DPAGT1: variants seen among roughly 807,000 people sequenced by gnomAD.
DPAGT1 encodes dolichyl-phosphate N-acetylglucosaminephosphotransferase 1.
Under a neutral mutation model 39.3 loss-of-function variants are expected in DPAGT1, and 25 were observed. That is an observed-to-expected ratio of 0.64 (90% confidence interval 0.46 to 0.89). The LOEUF (loss-of-function observed/expected upper bound fraction) is 0.89. Ranked by LOEUF, DPAGT1 falls within the 40% of genes least tolerant of loss-of-function variation. The probability of loss-of-function intolerance (pLI) is 0.00; values close to 1 mark genes in which losing one functional copy is unlikely to be tolerated. For missense variants in DPAGT1, 381 were observed against 500.6 expected (o/e 0.76, Z 2.28); for synonymous variants, 193 against 201.4 (o/e 0.96, Z 0.36).
chr11:119,095,341 G>A, downstream of DPAGT1: 2 of 1,600,760 alleles, frequency 1.2e-6, no homozygotes, highest in South Asian at 2.2e-5. Context: ...CGCGCGACGA[G>A]CGCGACTTGG....
chr11:119,101,388 T>TAGTTCTG, intron 1 of DPAGT1, 107 bp downstream of exon 1: 1 of 1,596,072 alleles, frequency 6.3e-7, no homozygotes, highest in Admixed American at 1.7e-5. Flanking sequence ...CTGCCTGGGT[T>TAGTTCTG]AGTTCTGAGT....
downstream of DPAGT1, chr11:119,095,541 T>G (rs2509850): frequency 4.5e-3 from 3,960 of 879,138 alleles, 133 homozygotes; most frequent in African/African-American, 0.063. Context: ...GGCTCTTTTC[T>G]CCAATACCCG....
chr11:119,101,349 T>G, intron 1 of DPAGT1, 146 bp downstream of exon 1: 1 of 1,512,046 alleles, frequency 6.6e-7, no homozygotes, highest in Non-Finnish European at 9.1e-7. Flanking sequence ...TGCGAGTAAG[T>G]TCTGCTCATC....
downstream of DPAGT1, chr11:119,094,824 G>A: frequency 2.2e-6 from 2 of 898,818 alleles, no homozygotes; most frequent in Non-Finnish European, 3.2e-6. Flanking sequence ...GCGAGGGGAG[G>A]GGAGGGGAAG....
At chr11:119,094,759 G>T (rs1366258239), downstream of DPAGT1, 4 of 543,800 alleles carry the variant, frequency 7.4e-6, no homozygotes, top group Non-Finnish European at 1.2e-5. Flanking sequence ...CGCGGCAGGC[G>T]GTGCGGGACG....
chr11:119,099,436 A>AAG (rs1946455093), intron 4 of DPAGT1, among the ~76,000 whole-genome samples: 2 of 150,590 alleles, frequency 1.3e-5, no homozygotes, highest in Middle Eastern at 3.2e-3. Flanking sequence ...AAAAAAAAAA[A>AAG]AAAAGAAAAG....
chr11:119,098,064 C>T lies in DPAGT1; in HGVS notation c.729-21G>A, dbSNP rs115033721. 2,400 of 1,611,300 alleles carry T rather than the reference C, an allele frequency of 1.5e-3. 28 individuals carry two copies. The African/African-American group carries it at 0.028, about 19-fold the overall frequency. ...GGTACCTGTGTGGGGGAAGAGGATCCGAGCCAGTGGCAAGAGGCATTACCA... is the reference window on the plus strand; with the variant it reads ...GGTACCTGTGTGGGGGAAGAGGATCTGAGCCAGTGGCAAGAGGCATTACCA... On this transcript the variant is annotated intron_variant, in intron 5 of 8. Coordinates refer to ENST00000354202, the MANE Select transcript of DPAGT1 (RefSeq NM_001382.4).
Position 119,101,775 on chromosome 11 carries a change from A to C in DPAGT1, c.-120T>G. The stretch of plus-strand genomic sequence containing the variant: ...CCCACAGGCAGGCTCTTCCCACACC[A>C]ATCTGAGCAAAACCCAGCAACTCTG... On this transcript the variant is annotated 5_prime_UTR_variant, in exon 1 of 9. The change creates a new upstream start codon in the 5' untranslated region. Transcript: ENST00000354202. The C allele has an allele frequency of 2.6e-6, 4 of 1,562,998 alleles. No individual in the cohort carries two copies. The highest frequency in any genetic ancestry group is 2.6e-6 in the Non-Finnish European group (3 of 1,156,394).
chr11:119,101,141 G>A lies in DPAGT1; in HGVS notation c.162-3C>T, dbSNP rs1400374292. 6.2e-7 allele frequency: 1 copy of A among 1,613,916 alleles called. No homozygotes were observed. The highest frequency in any genetic ancestry group is 1.3e-5 in the African/African-American group (1 of 74,910). ...TGATCACTCCCTGGGATTCTGGGCT[G>A]TGGCCCAGCAGCAAGGGGGCGAGGG... On this transcript the variant is annotated splice_region_variant and splice_polypyrimidine_tract_variant and intron_variant, in intron 1 of 8. Transcript: ENST00000354202.
intron 5 of DPAGT1, 105 bp downstream of exon 5, chr11:119,098,297 TA>T: frequency 7.6e-7 from 1 of 1,307,850 alleles, no homozygotes; most frequent in Non-Finnish European, 1.1e-6. Context: ...GAAAACTCCA[TA>T]GAGGTATGCG....
chr11:119,101,781 A>C lies in DPAGT1; in HGVS notation c.-126T>G. 6.4e-7 allele frequency: 1 copy of C among 1,551,070 alleles called. No homozygotes were observed. Among genetic ancestry groups the C allele is most frequent in the Non-Finnish European group, 8.7e-7 (1 of 1,150,118 alleles). On this transcript the variant is annotated 5_prime_UTR_variant, in exon 1 of 9. Coordinates refer to ENST00000354202, the MANE Select transcript of DPAGT1 (RefSeq NM_001382.4). ...GGCAGGCTCTTCCCACACCAATCTG[A>C]GCAAAACCCAGCAACTCTGACTTGA... is the stretch of plus-strand genomic sequence containing the variant.
chr11:119,100,877 C>T, intron 2 of DPAGT1, 34 bp from the exon 3 acceptor site: 1 of 1,614,074 alleles, frequency 6.2e-7, no homozygotes, highest in Non-Finnish European at 8.5e-7. Context: ...ATGACTCAAG[C>T]CTGCTCCCAT....
At position 119,101,832 on chromosome 11, in the gene DPAGT1, T is replaced by C; in HGVS notation, c.-177A>G. The C allele has an allele frequency of 6.7e-7, 1 of 1,482,026 alleles. No individual in the cohort carries two copies. Among genetic ancestry groups the C allele is most frequent in the South Asian group, 1.3e-5 (1 of 75,166 alleles). 91.8% of individuals were successfully genotyped at this position (1,482,026 alleles called of 1,614,324 possible). A position where few individuals can be genotyped will look rare whatever the true frequency, so the allele number is the denominator to read the frequency against. On this transcript the variant is annotated 5_prime_UTR_variant, in exon 1 of 9. Coordinates refer to ENST00000354202, the MANE Select transcript of DPAGT1 (RefSeq NM_001382.4). ...GCCGCCGTCGGGACACCGGGGAACCTCTCTAAGGCAACCTATGTTCTGCCC... is the reference window on the plus strand; with the variant it reads ...GCCGCCGTCGGGACACCGGGGAACCCCTCTAAGGCAACCTATGTTCTGCCC...
downstream of DPAGT1, chr11:119,094,945 G>C (rs375166958): frequency 6.3e-7 from 1 of 1,584,442 alleles, no homozygotes; most frequent in South Asian, 1.1e-5. Context: ...CTGGCGGCCG[G>C]CCGCGGCGCG....
chr11:119,100,478 AGTG>A (rs1946478889), intron 3 of DPAGT1, 70 bp from the exon 4 acceptor site: 1 of 1,611,244 alleles, frequency 6.2e-7, no homozygotes, highest in South Asian at 1.1e-5. Flanking sequence ...TTTTTAGAAA[AGTG>A]GTGAGGACGG....
chr11:119,094,849 C>A (rs1946363339), downstream of DPAGT1: 3 of 1,137,844 alleles, frequency 2.6e-6, no homozygotes, highest in Non-Finnish European at 3.6e-6. Flanking sequence ...CCGCGGCCCG[C>A]TTGCCCCGCA....
chr11:119,095,122 G>A (rs996116883), downstream of DPAGT1: 26 of 1,613,902 alleles, frequency 1.6e-5, no homozygotes, highest in Non-Finnish European at 2.0e-5. Context: ...TGAGCTCCTC[G>A]TCGTTGCGGA....
chr11:119,095,103 G>A (rs1426831081), downstream of DPAGT1: 2 of 1,614,018 alleles, frequency 1.2e-6, no homozygotes, highest in East Asian at 2.2e-5. Context: ...ACGCCGCCCA[G>A]CAGCTTGTTG....
chr11:119,098,270 G>T (rs941137436), intron 5 of DPAGT1, 133 bp downstream of exon 5: 1 of 1,185,740 alleles, frequency 8.4e-7, no homozygotes, highest in Non-Finnish European at 1.3e-6. Flanking sequence ...TTCAGAATAC[G>T]ACCAACTGAA....
Sources: gnomAD v4.1 joint callset for allele counts (sites outside exome capture counted in the v4.1 genomes callset) on GRCh38, gnomAD v4.1.1 for gene constraint, MANE v1.5 for transcripts, NCBI Gene and HGNC (gene_info 2026-07-23, HGNC 2026-07-21) for gene names.